MPP2: variants seen among roughly 807,000 people sequenced by gnomAD.
MPP2 encodes the protein MAGUK p55 scaffold protein 2.
A neutral mutation model predicts 58.5 loss-of-function variants in MPP2; 42 were observed. The observed-to-expected ratio is 0.72, with a 90% CI of 0.56 to 0.93. MPP2 has a LOEUF of 0.93. Among genes scored for constraint, MPP2 ranks in the 40% least tolerant of loss-of-function variants. MPP2 has a pLI of 0.00. For synonymous variants in MPP2, 300 were observed against 307.8 expected (o/e 0.97, Z 0.26); for missense variants, 632 against 760.4 (o/e 0.83, Z 1.99).
At position 43,879,924 on chromosome 17, in the gene MPP2, C is replaced by A; in HGVS notation, c.1211G>T (p.Arg404Leu). The A allele has an allele frequency of 6.2e-7, 1 of 1,614,104 alleles. No homozygotes were observed. The highest frequency in any genetic ancestry group is 8.5e-7 in the Non-Finnish European group (1 of 1,180,006). The change falls in exon 11 of 13, where the codon CGT becomes CTT. Residue 404 changes from arginine to leucine, a missense_variant. Coordinates refer to ENST00000269095, the MANE Select transcript of MPP2 (RefSeq NM_005374.5). The surrounding 1 kb of genome is among the most constrained non-coding windows in gnomAD (Gnocchi z 4.1). ...REGQGYSFVSRGEMEADVRAG... is the reference protein window; with the variant it reads ...REGQGYSFVSLGEMEADVRAG... ...ACGGACGTCAGCCTCCATCTCCCCACGGGACACAAAGCTGTAACCCTGACC... is the reference window on the plus strand; with the variant it reads ...ACGGACGTCAGCCTCCATCTCCCCAAGGGACACAAAGCTGTAACCCTGACC...
intron 2 of MPP2, among the ~76,000 whole-genome samples, chr17:43,903,360 A>C (rs563652832): frequency 6.6e-6 from 1 of 152,280 alleles, no homozygotes; most frequent in Admixed American, 6.5e-5. Flanking sequence ...CAGGTCTTCA[A>C]AAGGAGGTGA....
chr17:43,906,709 C>T (rs542784749), intron 1 of MPP2, among the ~76,000 whole-genome samples: 42 of 152,252 alleles, frequency 2.8e-4, no homozygotes, highest in Admixed American at 2.5e-3. Flanking sequence ...CCAACGGACC[C>T]AGCCCTAACA....
At chr17:43,878,203 A>T (rs8080162) in intron 12 of MPP2, among the ~76,000 whole-genome samples, 2 of 152,176 alleles carry the variant, frequency 1.3e-5, no homozygotes, top group African/African-American at 4.8e-5. Flanking sequence ...AATAACTGCC[A>T]ATCACACCCC....
At position 43,880,675 on chromosome 17, in the gene MPP2, C is replaced by T. The variant is rs765255882; in HGVS notation, c.1150+16G>A. 6 of 1,593,992 alleles carry T rather than the reference C, an allele frequency of 3.8e-6. No homozygotes were observed. Among genetic ancestry groups the T allele is most frequent in the Non-Finnish European group, 5.1e-6 (6 of 1,167,116 alleles). The stretch of plus-strand genomic sequence containing the variant: ...GCTCCTTGTCCCCAACTCAGCAGGG[C>T]CCAGCTCCCACTCACAGGGCACCGT... On this transcript the variant is annotated intron_variant, in intron 10 of 12. Coordinates refer to ENST00000269095, the MANE Select transcript of MPP2 (RefSeq NM_005374.5). This position sits in a 1 kb window ranked among gnomAD's most constrained non-coding sequence, Gnocchi z 5.2.
At position 43,879,185 on chromosome 17, in the gene MPP2, A is replaced by C; in HGVS notation, c.1482+90T>G. The C allele has an allele frequency of 3.3e-6, 5 of 1,497,474 alleles. No individual in the cohort carries two copies. The highest frequency in any genetic ancestry group is 2.6e-5 in the South Asian group (2 of 78,378). The allele number at this position is 1,497,474 out of a possible 1,614,324, so 92.8% of individuals were successfully genotyped here. A position where few individuals can be genotyped will look rare whatever the true frequency, so the allele number is the denominator to read the frequency against. On this transcript the variant is annotated intron_variant, in intron 12 of 12. Transcript: ENST00000269095. This position sits in a 1 kb window ranked among gnomAD's most constrained non-coding sequence, Gnocchi z 4.1. The stretch of plus-strand genomic sequence containing the variant: ...TGGAGCAGGCCCCTGTCCCTCCCCA[A>C]CACCACCTCCTTCTCTCTGTCAGCT...
rs35070656 is a variant in MPP2, at chr17:43,903,879, A to G, written c.31+551T>C. On this transcript the variant is annotated intron_variant, in intron 2 of 12. Coordinates refer to ENST00000269095, the MANE Select transcript of MPP2 (RefSeq NM_005374.5). ...CTTTGCTAGTTTGTCTGAGTGGCCCACTCCCTTGTCCTAATGCCTCCTACA... is the reference window on the plus strand; with the variant it reads ...CTTTGCTAGTTTGTCTGAGTGGCCCGCTCCCTTGTCCTAATGCCTCCTACA... 7.5e-3 allele frequency among the ~76,000 whole-genome samples: 1,140 copies of G among 152,142 alleles called. 13 individuals carry two copies. Among genetic ancestry groups the G allele is most frequent in the African/African-American group, 0.026 (1,088 of 41,484 alleles).
Position 43,880,607 on chromosome 17 carries a change from G to A in MPP2, c.1150+84C>T, listed in dbSNP as rs751426489. 13 of 1,457,658 alleles carry A rather than the reference G, an allele frequency of 8.9e-6. No homozygotes were observed. Among genetic ancestry groups the A allele is most frequent in the Non-Finnish European group, 9.2e-6 (10 of 1,088,076 alleles). The allele number at this position is 1,457,658 out of a possible 1,614,324, so 90.3% of individuals were successfully genotyped here. A position where few individuals can be genotyped will look rare whatever the true frequency, so the allele number is the denominator to read the frequency against. ...TACCACCTGGCCTGGTGCCCATGAAGATGCCCATTCGGTGGGCCCAGCCCT... is the reference window on the plus strand; with the variant it reads ...TACCACCTGGCCTGGTGCCCATGAAAATGCCCATTCGGTGGGCCCAGCCCT... On this transcript the variant is annotated intron_variant, in intron 10 of 12. Transcript: ENST00000269095. This position sits in a 1 kb window ranked among gnomAD's most constrained non-coding sequence, Gnocchi z 5.2.
At chr17:43,898,870 C>A (rs1597804763) in intron 2 of MPP2, among the ~76,000 whole-genome samples, 1 of 152,190 alleles carries the variant, frequency 6.6e-6, no homozygotes, top group Non-Finnish European at 1.5e-5. Flanking sequence ...GAGGCTGAGG[C>A]AGGAGAACTG....
At chr17:43,909,640 T>C, upstream of MPP2, 4 of 1,443,636 alleles carry the variant, frequency 2.8e-6, no homozygotes, top group Admixed American at 2.8e-5. Context: ...GGAGCCCAAC[T>C]CATTATTCTT....
intron 2 of MPP2, chr17:43,900,605 C>T: frequency 6.7e-7 from 1 of 1,493,520 alleles, no homozygotes; most frequent in Non-Finnish European, 9.0e-7. Flanking sequence ...CGCCGTCTAC[C>T]GCCTCCCCAG....
chr17:43,885,220 T>G (rs2047317752), intron 3 of MPP2, among the ~76,000 whole-genome samples: 1 of 152,188 alleles, frequency 6.6e-6, no homozygotes, highest in African/African-American at 2.4e-5. Context: ...ATGAATTTTT[T>G]TTATTCCATG....
rs774232095 is a variant in MPP2, at chr17:43,904,417, AC to A, written c.31+12del. Reference sequence around the variant, plus strand: ...ACCACTGAAATAAGCTAACATCCTCACCCCCTTCTTACCAGTTTCAGAGTTG... The same window carrying A: ...ACCACTGAAATAAGCTAACATCCTCACCCCTTCTTACCAGTTTCAGAGTTG... On this transcript the variant is annotated intron_variant, in intron 2 of 12. Coordinates refer to ENST00000269095, the MANE Select transcript of MPP2 (RefSeq NM_005374.5). The A allele has an allele frequency of 2.5e-6, 4 of 1,612,936 alleles. No individual in the cohort carries two copies. In the South Asian group the frequency reaches 3.3e-5, roughly 13 times the overall value.
rs1288076320 is a variant in MPP2, at chr17:43,895,007, A to G, written c.150+3255T>C. Among the ~76,000 whole-genome samples, 7 of 152,208 alleles carry G rather than the reference A, an allele frequency of 4.6e-5. No individual in the cohort carries two copies. In the East Asian group the frequency reaches 1.2e-3, roughly 25 times the overall value. On this transcript the variant is annotated intron_variant, in intron 3 of 12. Transcript: ENST00000269095. ...ACATATGTAGGCAAGATAAGCCAAC[A>G]TTCAATGAAATGACATCAATCTCTA...
intron 3 of MPP2, among the ~76,000 whole-genome samples, chr17:43,890,212 ACTG>A (rs2047549236): frequency 6.6e-6 from 1 of 151,998 alleles, no homozygotes; most frequent in Admixed American, 6.6e-5. Context: ...TATTTCCCTT[ACTG>A]CTTTTTTACT....
At chr17:43,896,759 CCAGT>C (rs1597799915) in intron 3 of MPP2, among the ~76,000 whole-genome samples, 1 of 152,260 alleles carries the variant, frequency 6.6e-6, no homozygotes, top group African/African-American at 2.4e-5. Flanking sequence ...CTTTCAGTGA[CCAGT>C]CAAACCTTCC....
At chr17:43,881,389 G>A (rs1236977854) in intron 7 of MPP2, 40 bp from the exon 8 acceptor site, 1 of 1,613,874 alleles carries the variant, frequency 6.2e-7, no homozygotes, top group South Asian at 1.1e-5. Context: ...TGAGCAAGAG[G>A]ACCCCTCCCT....
intron 3 of MPP2, among the ~76,000 whole-genome samples, chr17:43,890,666 G>A (rs1390690927): frequency 6.6e-6 from 1 of 152,238 alleles, no homozygotes; most frequent in Middle Eastern, 3.2e-3. Context: ...TTTGACAGAT[G>A]TGACTTGCTT....
At chr17:43,907,789 C>T (rs1879772947), upstream of MPP2, 1 of 985,478 alleles carries the variant, frequency 1.0e-6, no homozygotes, top group Non-Finnish European at 1.2e-6. Context: ...TGGTGCCCCT[C>T]GGCTCCCAAG....
Position 43,903,459 on chromosome 17 carries a change from C to T in MPP2, c.31+971G>A, listed in dbSNP as rs993596146. On this transcript the variant is annotated intron_variant, in intron 2 of 12. Transcript: ENST00000269095. ...CTGTAATCCCAGTAGTTTGGGAGGTCGAGGCGGGTGGAGTACTTGAGCTCA... is the reference window on the plus strand; with the variant it reads ...CTGTAATCCCAGTAGTTTGGGAGGTTGAGGCGGGTGGAGTACTTGAGCTCA... Among the ~76,000 whole-genome samples, 33 of 152,070 alleles carry T rather than the reference C, an allele frequency of 2.2e-4. 1 individual carries two copies. The highest frequency in any genetic ancestry group is 1.7e-3 in the Admixed American group (26 of 15,278).
Sources: allele counts gnomAD v4.1 joint callset (sites outside exome capture counted in the v4.1 genomes callset), GRCh38; gene constraint gnomAD v4.1.1; non-coding constraint Gnocchi (gnomAD v3.1); transcripts MANE v1.5; gene names NCBI Gene and HGNC (gene_info 2026-07-23, HGNC 2026-07-21).